Variants in CLASP1 observed in about 807,000 individuals in gnomAD.
The protein encoded by CLASP1 is CLIP-associating protein 1.
CLASP1 carries 38 observed loss-of-function variants against 192.3 expected under a neutral mutation model. That is an observed-to-expected ratio of 0.20 (90% CI 0.15 to 0.26). CLASP1 has a LOEUF of 0.26. CLASP1 is among the 10% of genes least tolerant of loss of function. CLASP1 has a pLI of 1.00. For missense variants in CLASP1, 1,433 were observed against 1,932.5 expected (o/e 0.74, Z 4.85); for synonymous variants, 691 against 712.8 (o/e 0.97, Z 0.49).
At chr2:121,447,003 A>G (rs951914268) in intron 19 of CLASP1, among the ~76,000 whole-genome samples, 3 of 152,146 alleles carry the variant, frequency 2.0e-5, no homozygotes, top group Admixed American at 6.5e-5. Flanking sequence ...TCAGAGGGGG[A>G]AAAAACTTAG....
intron 37 of CLASP1, among the ~76,000 whole-genome samples, chr2:121,357,609 C>T (rs2149200232): frequency 6.6e-6 from 1 of 152,294 alleles, no homozygotes; most frequent in Non-Finnish European, 1.5e-5. Context: ...ACATCTGGCT[C>T]CTTGAGAGTC....
At chr2:121,521,067 T>A in intron 6 of CLASP1, among the ~76,000 whole-genome samples, 1 of 152,234 alleles carries the variant, frequency 6.6e-6, no homozygotes, top group Non-Finnish European at 1.5e-5. Flanking sequence ...GGGTATCTGA[T>A]GATAGGAGAG....
At chr2:121,444,913 C>T (rs1559220720) in intron 19 of CLASP1, 1 of 1,346,104 alleles carries the variant, frequency 7.4e-7, no homozygotes, top group Non-Finnish European at 9.9e-7. Context: ...TGAGACACAC[C>T]TCAATCACAG....
chr2:121,534,423 G>A (rs2094984975), intron 2 of CLASP1, among the ~76,000 whole-genome samples: 1 of 152,176 alleles, frequency 6.6e-6, no homozygotes. Context: ...AGGTTAGACT[G>A]TTTGTGCCCA....
intron 24 of CLASP1, 78 bp downstream of exon 25, chr2:121,410,788 G>T: frequency 1.3e-6 from 1 of 779,374 alleles, no homozygotes. Flanking sequence ...TGATTTGGGG[G>T]CAATTTCCTG....
At chr2:121,400,528 T>A (rs1559042881) in intron 28 of CLASP1, among the ~76,000 whole-genome samples, 1 of 152,150 alleles carries the variant, frequency 6.6e-6, no homozygotes, top group Non-Finnish European at 1.5e-5. Context: ...ACCACCCCCC[T>A]GCCCCCACAG....
intron 35 of CLASP1, 37 bp downstream of exon 36, chr2:121,367,551 C>T (rs762773952): frequency 1.2e-5 from 20 of 1,612,668 alleles, no homozygotes; most frequent in Non-Finnish European, 1.7e-5. Context: ...AAGGGAAGCA[C>T]TTCTGGGTGG....
intron 18 of CLASP1, among the ~76,000 whole-genome samples, chr2:121,448,025 G>A (rs2084690718): frequency 6.6e-6 from 1 of 152,232 alleles, no homozygotes. Flanking sequence ...TCAACATGCA[G>A]GGGAGGTGGA....
chr2:121,351,243 C>G, intron 37 of CLASP1, among the ~76,000 whole-genome samples: 1 of 152,230 alleles, frequency 6.6e-6, no homozygotes, highest in East Asian at 1.9e-4. Context: ...GGCTGACACA[C>G]ACGTCCCAGC....
chr2:121,614,368 C>T lies in CLASP1; in HGVS notation c.-285-8188G>A, dbSNP rs183819393. Among the ~76,000 whole-genome samples the T allele has an allele frequency of 1.1e-3, 171 of 152,206 alleles. 1 individual carries two copies. The highest frequency in any genetic ancestry group is 3.1e-3 in the Admixed American group (48 of 15,288). Reference sequence around the variant, plus strand: ...AAAACTAGCCAGGCGTGGTGGTGTGCGCCTGTAATCCCAGCTACTCAAGAG... The same window carrying T: ...AAAACTAGCCAGGCGTGGTGGTGTGTGCCTGTAATCCCAGCTACTCAAGAG... On this transcript the variant is annotated intron_variant, in intron 1 of 39. Coordinates refer to ENST00000263710, the Ensembl canonical transcript of CLASP1.
chr2:121,450,975 T>G, exon 16 of CLASP1: 1 of 1,597,790 alleles, frequency 6.3e-7, no homozygotes, highest in East Asian at 2.2e-5. Context: ...TTGTTTCAGC[T>G]AATACTGATA....
At chr2:121,573,132 G>A (rs943505510) in intron 2 of CLASP1, among the ~76,000 whole-genome samples, 4 of 152,060 alleles carry the variant, frequency 2.6e-5, no homozygotes, top group Non-Finnish European at 4.4e-5. Flanking sequence ...GCTAGTTTTT[G>A]TATTTTTAGT....
Position 121,606,146 on chromosome 2 carries a change from T to TG in CLASP1, c.-252dup, listed in dbSNP as rs1230841091. 1.9e-6 allele frequency: 1 copy of TG among 520,088 alleles called. No individual in the cohort carries two copies. Among genetic ancestry groups the TG allele is most frequent in the African/African-American group, 1.9e-5 (1 of 52,444 alleles). The allele number at this position is 520,088 out of a possible 1,614,324, so 32.2% of individuals were successfully genotyped here. A position where few individuals can be genotyped will look rare whatever the true frequency, so the allele number is the denominator to read the frequency against. ...GAGTGGCAGAGTGATGTTCTACTAC[T>TG]GGGTCTGAAATACTTCATAATTCAG... On this transcript the variant is annotated 5_prime_UTR_variant, in exon 2 of 40. An upstream open reading frame in the 5' UTR gains an earlier in-frame stop. Transcript: ENST00000263710.
At chr2:121,604,435 G>A (rs1474875108) in intron 2 of CLASP1, among the ~76,000 whole-genome samples, 1 of 152,216 alleles carries the variant, frequency 6.6e-6, no homozygotes, top group Non-Finnish European at 1.5e-5. Context: ...TTGGGAGGAG[G>A]AGGCGGGTGG....
At chr2:121,596,756 C>T (rs1177107554) in intron 2 of CLASP1, among the ~76,000 whole-genome samples, 3 of 152,202 alleles carry the variant, frequency 2.0e-5, no homozygotes, top group Non-Finnish European at 4.4e-5. Flanking sequence ...GTCAAGGCCT[C>T]TCCAACTAAG....
chr2:121,352,273 C>A (rs571879222), intron 37 of CLASP1, among the ~76,000 whole-genome samples: 1 of 152,372 alleles, frequency 6.6e-6, no homozygotes, highest in South Asian at 2.1e-4. Context: ...CTCGTCCGGG[C>A]ACCTCAGTGA....
chr2:121,522,007 A>C (rs988607587), intron 6 of CLASP1, among the ~76,000 whole-genome samples: 6 of 152,232 alleles, frequency 3.9e-5, no homozygotes, highest in South Asian at 2.1e-4. Flanking sequence ...CAGCAAAAGC[A>C]CATGCAAGCT....
rs764247414 is a variant in CLASP1 at position 121,340,992 on chromosome 2, C to G, written c.4531-45G>C. On this transcript the variant is annotated intron_variant, in intron 39 of 39. Transcript: ENST00000263710. ...CTGAATTAGCAGGAAGAAAAGCAATCAGAAAGTAGAAAACAGCAAAAAGAA... is the reference window on the plus strand; with the variant it reads ...CTGAATTAGCAGGAAGAAAAGCAATGAGAAAGTAGAAAACAGCAAAAAGAA... The G allele has an allele frequency of 8.2e-6, 11 of 1,345,058 alleles. No homozygotes were observed. In the South Asian group the frequency reaches 1.4e-4, roughly 17 times the overall value. 83.3% of individuals were successfully genotyped at this position (1,345,058 alleles called of 1,614,324 possible).
At chr2:121,598,171 G>A (rs1425800838) in intron 2 of CLASP1, among the ~76,000 whole-genome samples, 1 of 152,162 alleles carries the variant, frequency 6.6e-6, no homozygotes, top group African/African-American at 2.4e-5. Context: ...ATCCTTCCAT[G>A]TTGAACAGCA....
Sources: gnomAD v4.1 joint callset for allele counts (sites outside exome capture counted in the v4.1 genomes callset) on GRCh38, gnomAD v4.1.1 for gene constraint, MANE v1.5 for transcripts, NCBI Gene and HGNC (gene_info 2026-07-23, HGNC 2026-07-21) for gene names.